UBE2O: variants seen among roughly 807,000 people sequenced by gnomAD.
The protein encoded by UBE2O is ubiquitin conjugating enzyme E2 O.
In UBE2O, 15 loss-of-function variants were observed where a neutral mutation model predicts 125.8. That is an observed-to-expected ratio of 0.12 (90% CI 0.08 to 0.18). The LOEUF is 0.18. UBE2O is among the 10% of genes least tolerant of loss of function. UBE2O has a pLI of 1.00. For missense variants in UBE2O, 1,280 were observed against 1,723.6 expected, an observed-to-expected ratio of 0.74 and a Z score of 4.56; for synonymous variants, 708 against 703.2, an observed-to-expected ratio of 1.01 and a Z score of -0.11.
rs189389948 is a variant in UBE2O, at chr17:76,415,940, C to T, written c.418-10368G>A. Among the ~76,000 whole-genome samples the T allele has an allele frequency of 6.1e-4, 81 of 133,742 alleles. No homozygotes were observed. In the East Asian group the frequency reaches 7.3e-3, roughly 12 times the overall value. 87.7% of individuals were successfully genotyped at this position (133,742 alleles called of 152,430 possible). On this transcript the variant is annotated intron_variant, in intron 1 of 17. Coordinates refer to ENST00000319380, the MANE Select transcript of UBE2O (RefSeq NM_022066.4). ...ATGCACATACACGTATATACGTATG[C>T]GTATACATATGCACATACACGTATA...
chr17:76,452,889 C>A lies in UBE2O; in HGVS notation c.253G>T (p.Glu85Ter). Residue 85 changes from glutamate to a stop codon, truncating the protein, a stop_gained, in exon 1 of 18, where the codon GAG becomes TAG. Coordinates refer to ENST00000319380, the MANE Select transcript of UBE2O (RefSeq NM_022066.4). LOFTEE classifies it high-confidence loss of function. This position sits in a 1 kb window ranked among gnomAD's most constrained non-coding sequence, Gnocchi z 4.4. ...HFGLVRLIHGEDSDSEGEEEG... is the reference protein window; with the variant it reads ...HFGLVRLIHG ...TCCTCGCCCTCCGAGTCCGAGTCCT[C>A]GCCGTGGATGAGGCGCACCAGCCCG... is the stretch of plus-strand genomic sequence containing the variant. The A allele has an allele frequency of 6.7e-7, 1 of 1,498,562 alleles. No individual in the cohort carries two copies. Among genetic ancestry groups the A allele is most frequent in the East Asian group, 2.9e-5 (1 of 34,032 alleles). 92.8% of individuals were successfully genotyped at this position (1,498,562 alleles called of 1,614,324 possible).
chr17:76,397,711 G>C (rs1039321010), intron 13 of UBE2O, 88 bp downstream of exon 13: 1 of 1,265,380 alleles, frequency 7.9e-7, no homozygotes, highest in Non-Finnish European at 1.2e-6. Context: ...GAAGACCTGA[G>C]AGCCCATCTT....
intron 1 of UBE2O, among the ~76,000 whole-genome samples, chr17:76,415,638 C>G (rs568354816): frequency 6.6e-6 from 1 of 152,242 alleles, no homozygotes; most frequent in Non-Finnish European, 1.5e-5. Flanking sequence ...AACCTGGTCT[C>G]TACTAAAAAT....
At chr17:76,450,844 C>T (rs1248503424) in intron 1 of UBE2O, among the ~76,000 whole-genome samples, 1 of 152,218 alleles carries the variant, frequency 6.6e-6, no homozygotes, top group Non-Finnish European at 1.5e-5. Flanking sequence ...TGGTCTCGAA[C>T]TCCTGACCTC....
chr17:76,419,125 T>TTTA, intron 1 of UBE2O, among the ~76,000 whole-genome samples: 1 of 150,006 alleles, frequency 6.7e-6, no homozygotes, highest in East Asian at 2.0e-4. Context: ...CTCTACAGAT[T>TTTA]TTTTTTTTTT....
chr17:76,409,276 A>G (rs2072477294), intron 1 of UBE2O, among the ~76,000 whole-genome samples: 1 of 150,340 alleles, frequency 6.7e-6, no homozygotes, highest in Admixed American at 6.6e-5. Flanking sequence ...CCTATTGTCT[A>G]TTTCTTAGAG....
chr17:76,436,957 C>T (rs2073006206), intron 1 of UBE2O, among the ~76,000 whole-genome samples: 1 of 151,996 alleles, frequency 6.6e-6, no homozygotes, highest in African/African-American at 2.4e-5. Context: ...CATGTTGAAA[C>T]CATTTCTACT....
intron 1 of UBE2O, among the ~76,000 whole-genome samples, chr17:76,424,594 G>A (rs2143819933): frequency 6.6e-6 from 1 of 152,138 alleles, no homozygotes; most frequent in South Asian, 2.1e-4. Context: ...TTAATTTCTG[G>A]CTGAGTGAGG....
chr17:76,426,642 A>C (rs2072815332), intron 1 of UBE2O, among the ~76,000 whole-genome samples: 2 of 152,214 alleles, frequency 1.3e-5, no homozygotes, highest in Admixed American at 1.3e-4. Flanking sequence ...AGAAAGTTTG[A>C]AGTCAATCAA....
rs771491856 is a variant in UBE2O, at chr17:76,395,790, C to G, written c.2881G>C (p.Glu961Gln). 1 of 1,614,230 alleles carries G rather than the reference C, an allele frequency of 6.2e-7. No individual in the cohort carries two copies. Among genetic ancestry groups the G allele is most frequent in the East Asian group, 2.2e-5 (1 of 44,890 alleles). ...AGTGAGGTAGCCAGCAGCGCCATCT[C>G]CTTCCGCACTGTGCTGAAGAACTTC... ...AKKFFSTVRK[E>Q]MALLATSLPE... The change falls in exon 15 of 18, where the codon GAG (glutamate) becomes CAG (glutamine). Residue 961 changes from glutamate (E) to glutamine (Q), a missense_variant. Around this residue, in one of 10 missense-constraint regions of UBE2O, gnomAD observed 116 missense variants for 154.8 expected, o/e 0.75. Coordinates refer to ENST00000319380, the MANE Select transcript of UBE2O (RefSeq NM_022066.4). This position sits in a 1 kb window ranked among gnomAD's most constrained non-coding sequence, Gnocchi z 5.0.
rs138913325 is a variant in UBE2O at position 76,400,017 on chromosome 17, C to T, written c.1156-96G>A. 3,227 of 1,525,482 alleles carry T rather than the reference C, an allele frequency of 2.1e-3. 9 individuals are homozygous for T. Among genetic ancestry groups the T allele is most frequent in the Non-Finnish European group, 2.4e-3 (2,667 of 1,128,814 alleles). 94.5% of individuals were successfully genotyped at this position (1,525,482 alleles called of 1,614,324 possible). ...GCTGGGGGGATGACAGCTGTATACA[C>T]CTGAGTAGCCGGCAAGGGTCATCAG... On this transcript the variant is annotated intron_variant, in intron 8 of 17. Transcript: ENST00000319380. The surrounding 1 kb of genome is among the most constrained non-coding windows in gnomAD (Gnocchi z 4.3).
In UBE2O at chr17:76,398,424, A is replaced by C. The variant is rs766520975; in HGVS notation, c.1897-41T>G. 1.2e-6 allele frequency: 2 copies of C among 1,613,894 alleles called. No individual in the cohort carries two copies. The highest frequency in any genetic ancestry group is 1.7e-6 in the Non-Finnish European group (2 of 1,179,962). ...GGTTGTCATGAGCTAGGGGTCCTACACCCAACCCCAGAGCCCACCTGAAGC... is the reference window on the plus strand; with the variant it reads ...GGTTGTCATGAGCTAGGGGTCCTACCCCCAACCCCAGAGCCCACCTGAAGC... On this transcript the variant is annotated intron_variant, in intron 11 of 17. Coordinates refer to ENST00000319380, the MANE Select transcript of UBE2O (RefSeq NM_022066.4). This position sits in a 1 kb window ranked among gnomAD's most constrained non-coding sequence, Gnocchi z 5.4.
chr17:76,429,197 GC>G (rs1282827488), intron 1 of UBE2O, among the ~76,000 whole-genome samples: 1 of 151,826 alleles, frequency 6.6e-6, no homozygotes, highest in African/African-American at 2.4e-5. Context: ...ACCGCGTCCA[GC>G]CAGCCCTCTA....
In UBE2O at chr17:76,402,449, G is replaced by A. The variant is rs910729021; in HGVS notation, c.686+153C>T. Among the ~76,000 whole-genome samples the A allele has an allele frequency of 6.6e-6, 1 of 152,130 alleles. No homozygotes were observed. The highest frequency in any genetic ancestry group is 2.4e-5 in the African/African-American group (1 of 41,414). ...ATAGGCCACGGCAGATAAGGAGAAC[G>A]GTACAGGGTTAGGCCCTGGATGCCT... On this transcript the variant is annotated intron_variant, in intron 4 of 17. Coordinates refer to ENST00000319380, the MANE Select transcript of UBE2O (RefSeq NM_022066.4). This position sits in a 1 kb window ranked among gnomAD's most constrained non-coding sequence, Gnocchi z 5.4.
chr17:76,446,462 CA>C (rs11325407), intron 1 of UBE2O, among the ~76,000 whole-genome samples: 56,859 of 151,230 alleles, frequency 0.38, 11,045 homozygotes, highest in East Asian at 0.49. Context: ...CAAAAACAAA[CA>C]AAAAAAAAAA....
At chr17:76,439,215 C>T (rs1048527325) in intron 1 of UBE2O, among the ~76,000 whole-genome samples, 1 of 152,204 alleles carries the variant, frequency 6.6e-6, no homozygotes, top group Non-Finnish European at 1.5e-5. Flanking sequence ...ACACCTACTT[C>T]ACGGGGTTCT....
At position 76,405,087 on chromosome 17, in the gene UBE2O, C is replaced by G. The variant is rs973494129; in HGVS notation, c.588+119G>C. Reference sequence around the variant, plus strand: ...GAGCCAGCTGGCTGCTGTGCTCCGCCTTCTGACCCAGGAAGGCTGTGCTTG... The same window carrying G: ...GAGCCAGCTGGCTGCTGTGCTCCGCGTTCTGACCCAGGAAGGCTGTGCTTG... On this transcript the variant is annotated intron_variant, in intron 3 of 17. Coordinates refer to ENST00000319380, the MANE Select transcript of UBE2O (RefSeq NM_022066.4). The surrounding 1 kb of genome is among the most constrained non-coding windows in gnomAD (Gnocchi z 6.1). The G allele has an allele frequency of 6.9e-6, 5 of 723,446 alleles. No individual in the cohort carries two copies. The highest frequency in any genetic ancestry group is 1.1e-5 in the Non-Finnish European group (5 of 441,526). The allele number at this position is 723,446 out of a possible 1,614,324, so 44.8% of individuals were successfully genotyped here. A position where few individuals can be genotyped will look rare whatever the true frequency, so the allele number is the denominator to read the frequency against.
intron 15 of UBE2O, among the ~76,000 whole-genome samples, chr17:76,393,391 C>A (rs192697190): frequency 1.3e-5 from 2 of 151,672 alleles, no homozygotes; most frequent in African/African-American, 4.8e-5. Context: ...AGTCTCCTCA[C>A]GCCCGGCTAA....
intron 1 of UBE2O, among the ~76,000 whole-genome samples, chr17:76,417,490 CAGGAAAT>C: frequency 6.6e-6 from 1 of 152,214 alleles, no homozygotes; most frequent in African/African-American, 2.4e-5. Context: ...AGAGAACCAA[CAGGAAAT>C]CTTAGAGTAT....
Sources: gnomAD v4.1 joint callset for allele counts (sites outside exome capture counted in the v4.1 genomes callset) on GRCh38, gnomAD v4.1.1 for gene constraint, gnomAD v4.1.1 regional missense constraint, Gnocchi (gnomAD v3.1) non-coding constraint, MANE v1.5 for transcripts, NCBI Gene and HGNC (gene_info 2026-07-23, HGNC 2026-07-21) for gene names.